Variants in MROH9 observed in about 807,000 individuals in gnomAD.
MROH9 encodes maestro heat-like repeat-containing protein family member 9.
MROH9 carries 92 observed loss-of-function variants against 98.2 expected under a neutral mutation model. That is an observed-to-expected ratio of 0.94 (90% confidence interval 0.79 to 1.11). The LOEUF is 1.11. Among genes scored for constraint, MROH9 ranks in the 50% most tolerant of loss-of-function variants. The probability of loss-of-function intolerance (pLI) is 0.00; values close to 1 mark genes in which losing one functional copy is unlikely to be tolerated. For missense variants in MROH9, 1,057 were observed against 1,014.8 expected (o/e 1.04, Z -0.57); for synonymous variants, 397 against 368.9 (o/e 1.08, Z -0.87).
At chr1:171,042,685 C>T (rs140039798) in intron 20 of MROH9, among the ~76,000 whole-genome samples, 2 of 151,882 alleles carry the variant, frequency 1.3e-5, no homozygotes, top group African/African-American at 2.4e-5. Flanking sequence ...CCATCTTATC[C>T]GGGGTGACAG....
In MROH9 at chr1:170,981,743, TA is replaced by T. The variant is rs199565527; in HGVS notation, c.617-1667del. The stretch of plus-strand genomic sequence containing the variant: ...CCTTCCGCTTTTTTTTTAGAAGAAA[TA>T]AAAAAAAAAAACTCTCTATGAAAAA... On this transcript the variant is annotated intron_variant, in intron 8 of 21. Transcript: ENST00000367759. Among the ~76,000 whole-genome samples the T allele has an allele frequency of 4.9e-3, 619 of 126,486 alleles. 2 individuals are homozygous for T. The highest frequency in any genetic ancestry group is 0.017 in the African/African-American group (574 of 33,790). The allele number at this position is 126,486 out of a possible 152,430, so 83.0% of individuals were successfully genotyped here. A position where few individuals can be genotyped will look rare whatever the true frequency, so the allele number is the denominator to read the frequency against.
chr1:170,996,787 T>C (rs1413377246), intron 14 of MROH9, 143 bp downstream of exon 14: 2 of 835,106 alleles, frequency 2.4e-6, no homozygotes, highest in Admixed American at 5.5e-5. Context: ...ATTTGATTTC[T>C]ACTTCTTCAA....
rs1251076789 is a variant in MROH9, at chr1:170,958,518, A to T, written c.130A>T (p.Met44Leu). 2 of 1,593,280 alleles carry T rather than the reference A, an allele frequency of 1.3e-6. No homozygotes were observed. The highest frequency in any genetic ancestry group is 2.7e-5 in the African/African-American group (2 of 74,484). ...CTCAGGCCTGTTAAGTAATGAATCC[A>T]TGATCCTGGCTGTGAACTCCAGGTA... ...AYSGLLSNES[M>L]ILAVNSSFVD... Residue 44 changes from methionine (M) to leucine (L), a missense_variant, in exon 4 of 22, where the codon ATG becomes TTG. Met to Leu is a conservative substitution (Grantham distance 15). Transcript: ENST00000367759.
At chr1:170,948,475 T>C (rs1358688401) in intron 3 of MROH9, among the ~76,000 whole-genome samples, 2 of 152,040 alleles carry the variant, frequency 1.3e-5, no homozygotes, top group African/African-American at 4.8e-5. Flanking sequence ...CCCATTTGTA[T>C]AGTCCATAGA....
chr1:171,052,696 C>A (rs1267718173), intron 20 of MROH9, among the ~76,000 whole-genome samples: 1 of 152,110 alleles, frequency 6.6e-6, no homozygotes, highest in Non-Finnish European at 1.5e-5. Flanking sequence ...AGCTCAGGCT[C>A]CTAATCCAGG....
At chr1:170,980,222 G>A (rs541738184) in intron 8 of MROH9, among the ~76,000 whole-genome samples, 3 of 151,996 alleles carry the variant, frequency 2.0e-5, no homozygotes, top group South Asian at 2.1e-4. Flanking sequence ...TTCTTCACAC[G>A]ATTAGAAAAA....
At chr1:170,997,759 G>A (rs929053593) in intron 14 of MROH9, among the ~76,000 whole-genome samples, 8 of 152,036 alleles carry the variant, frequency 5.3e-5, no homozygotes, top group African/African-American at 1.2e-4. Context: ...AACTCTCATC[G>A]GCGTTACATC....
chr1:170,945,029 T>C (rs1204691114), intron 1 of MROH9, among the ~76,000 whole-genome samples: 3 of 151,980 alleles, frequency 2.0e-5, no homozygotes, highest in African/African-American at 7.2e-5. Context: ...CATGAGTCTT[T>C]TAAGTCTGGG....
chr1:170,968,064 G>T (rs1045971572), intron 7 of MROH9, among the ~76,000 whole-genome samples: 1 of 152,160 alleles, frequency 6.6e-6, no homozygotes, highest in Non-Finnish European at 1.5e-5. Context: ...AGACAGATTA[G>T]GTAGAAGATA....
rs557596432 is a variant in MROH9 at position 171,058,361 on chromosome 1, A to G, written c.2282-3771A>G. ...AGAGAGGATGCAAAAAAAAAAAAAA[A>G]GGAAAAACATTCCATCCTCATGGAT... is the stretch of plus-strand genomic sequence containing the variant. On this transcript the variant is annotated intron_variant, in intron 20 of 21. Coordinates refer to ENST00000367759, the MANE Select transcript of MROH9 (RefSeq NM_001163629.2). Among the ~76,000 whole-genome samples, 12 of 151,198 alleles carry G rather than the reference A, an allele frequency of 7.9e-5. No individual in the cohort carries two copies. In the East Asian group the frequency reaches 2.3e-3, roughly 29 times the overall value.
At chr1:170,966,184 G>A (rs919891051) in intron 7 of MROH9, among the ~76,000 whole-genome samples, 5 of 152,024 alleles carry the variant, frequency 3.3e-5, no homozygotes, top group Admixed American at 1.3e-4. Flanking sequence ...ATATTAAGGT[G>A]CCCATTTCCC....
intron 20 of MROH9, among the ~76,000 whole-genome samples, chr1:171,036,070 A>G (rs1341430560): frequency 1.3e-5 from 2 of 152,158 alleles, no homozygotes; most frequent in African/African-American, 4.8e-5. Context: ...AAAAAAATCA[A>G]CTTCATTCAC....
intron 20 of MROH9, among the ~76,000 whole-genome samples, chr1:171,031,217 A>G (rs192208624): frequency 3.1e-4 from 47 of 152,258 alleles, no homozygotes; most frequent in Non-Finnish European, 5.6e-4. Context: ...CAGCACACCA[A>G]TGGATCTTGA....
intron 20 of MROH9, among the ~76,000 whole-genome samples, chr1:171,061,907 T>C (rs561234883): frequency 1.1e-4 from 17 of 152,190 alleles, no homozygotes; most frequent in Non-Finnish European, 2.2e-4. Flanking sequence ...GTTCCTTTTG[T>C]GGTCATTCAC....
intron 8 of MROH9, among the ~76,000 whole-genome samples, chr1:170,980,617 T>C (rs144387918): frequency 2.0e-4 from 31 of 152,070 alleles, no homozygotes; most frequent in Non-Finnish European, 4.1e-4. Flanking sequence ...ACAAAAATTA[T>C]CTCAAAATGG....
intron 15 of MROH9, among the ~76,000 whole-genome samples, chr1:171,001,221 T>C (rs932175494): frequency 5.3e-5 from 8 of 152,088 alleles, no homozygotes; most frequent in Non-Finnish European, 1.2e-4. Flanking sequence ...TTGTACTTTT[T>C]TCTTTGTTTG....
At chr1:170,950,633 C>G (rs992211523) in intron 3 of MROH9, among the ~76,000 whole-genome samples, 1 of 152,062 alleles carries the variant, frequency 6.6e-6, no homozygotes, top group Non-Finnish European at 1.5e-5. Flanking sequence ...GACTTGGAAA[C>G]GTTCACTGTT....
At chr1:170,944,019 A>T (rs1351557232) in intron 1 of MROH9, among the ~76,000 whole-genome samples, 1 of 152,060 alleles carries the variant, frequency 6.6e-6, no homozygotes, top group Non-Finnish European at 1.5e-5. Context: ...AATAACAATT[A>T]TAATAAAAAT....
chr1:170,960,298 T>C (rs1038165132), intron 5 of MROH9, among the ~76,000 whole-genome samples: 27 of 152,310 alleles, frequency 1.8e-4, no homozygotes, highest in African/African-American at 5.8e-4. Context: ...TATTCCTGAG[T>C]GGCTACCTGA....
Sources: gnomAD v4.1 joint callset for allele counts (sites outside exome capture counted in the v4.1 genomes callset) on GRCh38, gnomAD v4.1.1 for gene constraint, MANE v1.5 for transcripts, NCBI Gene and HGNC (gene_info 2026-07-23, HGNC 2026-07-21) for gene names.